The following PPFIA2 variants were observed in gnomAD, a reference collection of about 807,000 sequenced individuals.
PPFIA2 encodes liprin-alpha-2.
In PPFIA2, 46 loss-of-function variants were observed where a neutral mutation model predicts 175.5. That is an observed-to-expected ratio of 0.26 (90% CI 0.21 to 0.34). PPFIA2 has a LOEUF of 0.34. PPFIA2 is among the 10% of genes least tolerant of loss of function. The pLI is 1.00. For missense variants in PPFIA2, 1,179 were observed against 1,506.1 expected, an observed-to-expected ratio of 0.78 and a Z score of 3.60; for synonymous variants, 568 against 511.4, an observed-to-expected ratio of 1.11 and a Z score of -1.49.
At chr12:81,392,505 A>T (rs2040325003) in intron 8 of PPFIA2, among the ~76,000 whole-genome samples, 1 of 151,930 alleles carries the variant, frequency 6.6e-6, no homozygotes, top group Non-Finnish European at 1.5e-5. Flanking sequence ...GGGGGTCGTC[A>T]AAGATGACTA....
chr12:81,328,442 T>C (rs1221625904), intron 21 of PPFIA2, among the ~76,000 whole-genome samples: 1 of 152,236 alleles, frequency 6.6e-6, no homozygotes, highest in Non-Finnish European at 1.5e-5. Flanking sequence ...ATGTAATTCA[T>C]AAATTTTAAG....
chr12:81,597,577 A>G (rs891725674), intron 4 of PPFIA2, among the ~76,000 whole-genome samples: 3 of 152,258 alleles, frequency 2.0e-5, no homozygotes, highest in African/African-American at 7.2e-5. Flanking sequence ...AGTTCATAAA[A>G]TGTGTTTTAA....
intron 3 of PPFIA2, among the ~76,000 whole-genome samples, chr12:81,732,786 G>A (rs1300728461): frequency 6.6e-6 from 1 of 151,444 alleles, no homozygotes; most frequent in Non-Finnish European, 1.5e-5. Flanking sequence ...TTCTCTTAGT[G>A]TAAAAGATGA....
chr12:81,537,406 A>C (rs1173305055), intron 4 of PPFIA2, among the ~76,000 whole-genome samples: 2 of 151,878 alleles, frequency 1.3e-5, no homozygotes, highest in Non-Finnish European at 2.9e-5. Flanking sequence ...GAACAAAAAG[A>C]AAGTATGGCC....
chr12:81,508,132 T>C (rs1487041686), intron 4 of PPFIA2, among the ~76,000 whole-genome samples: 4 of 152,156 alleles, frequency 2.6e-5, no homozygotes, highest in East Asian at 1.9e-4. Context: ...TATAAATATA[T>C]GTATGCTTCT....
intron 9 of PPFIA2, among the ~76,000 whole-genome samples, chr12:81,381,284 G>A (rs188309476): frequency 6.0e-4 from 91 of 152,188 alleles, no homozygotes; most frequent in Non-Finnish European, 7.1e-4. Flanking sequence ...AAAGGAGAAC[G>A]TTTTGCCCAT....
Position 81,734,683 on chromosome 12 carries a change from T to C in PPFIA2, c.249+19290A>G, listed in dbSNP as rs189948080. On this transcript the variant is annotated intron_variant, in intron 3 of 32. Transcript: ENST00000549396. ...GGAAAGTTATTTTTTAACATCTTAA[T>C]TGAAAAATAATTTACATATCACAAA... 5.0e-3 allele frequency among the ~76,000 whole-genome samples: 765 copies of C among 151,938 alleles called. 6 individuals carry two copies. Among genetic ancestry groups the C allele is most frequent in the African/African-American group, 0.017 (686 of 41,488 alleles).
chr12:81,740,611 A>G (rs2082204553), intron 3 of PPFIA2, among the ~76,000 whole-genome samples: 2 of 152,188 alleles, frequency 1.3e-5, no homozygotes, highest in African/African-American at 4.8e-5. Context: ...AGGAAAAGTA[A>G]ATAGTGTGAA....
chr12:81,279,772 T>A (rs2041602819), intron 27 of PPFIA2, among the ~76,000 whole-genome samples: 1 of 152,030 alleles, frequency 6.6e-6, no homozygotes, highest in Admixed American at 6.6e-5. Flanking sequence ...ACCCCAAAAA[T>A]CTAATGCAAA....
At position 81,387,671 on chromosome 12, in the gene PPFIA2, T is replaced by C. The variant is rs144050737; in HGVS notation, c.763-3427A>G. On this transcript the variant is annotated intron_variant, in intron 8 of 32. Transcript: ENST00000549396. ...GTGGTCTAGTTACTTGTAGACTTTATACAGGATTTGAAGATATTTAAAATT... is the reference window on the plus strand; with the variant it reads ...GTGGTCTAGTTACTTGTAGACTTTACACAGGATTTGAAGATATTTAAAATT... Among the ~76,000 whole-genome samples the C allele has an allele frequency of 9.9e-5, 15 of 152,270 alleles. No homozygotes were observed. The East Asian group carries it at 2.9e-3, about 29-fold the overall frequency.
At chr12:81,428,624 A>G (rs2047560262) in intron 7 of PPFIA2, among the ~76,000 whole-genome samples, 1 of 152,030 alleles carries the variant, frequency 6.6e-6, no homozygotes, top group African/African-American at 2.4e-5. Context: ...CAAGAGGTAC[A>G]ATAAGAAATC....
intron 8 of PPFIA2, among the ~76,000 whole-genome samples, chr12:81,395,317 A>G (rs2142413277): frequency 6.6e-6 from 1 of 152,228 alleles, no homozygotes; most frequent in East Asian, 1.9e-4. Context: ...AAAATAATAC[A>G]CAAATGAATG....
At chr12:81,371,928 A>AACACAC (rs376974623) in intron 11 of PPFIA2, among the ~76,000 whole-genome samples, 4 of 137,694 alleles carry the variant, frequency 2.9e-5, no homozygotes, top group Non-Finnish European at 4.8e-5. Context: ...CACACACACA[A>AACACAC]ACACACACAC....
chr12:81,620,676 A>G (rs1466078553), intron 4 of PPFIA2, among the ~76,000 whole-genome samples: 1 of 152,206 alleles, frequency 6.6e-6, no homozygotes, highest in East Asian at 1.9e-4. Flanking sequence ...AAGAAATGCA[A>G]TGGGATGCAT....
intron 8 of PPFIA2, among the ~76,000 whole-genome samples, chr12:81,401,962 T>C (rs1034536418): frequency 1.3e-5 from 2 of 152,204 alleles, no homozygotes; most frequent in Non-Finnish European, 2.9e-5. Flanking sequence ...TATTTTTTCT[T>C]TTAAAAAGGC....
intron 4 of PPFIA2, among the ~76,000 whole-genome samples, chr12:81,541,757 T>C (rs563603186): frequency 1.3e-5 from 2 of 152,276 alleles, no homozygotes; most frequent in Non-Finnish European, 2.9e-5. Flanking sequence ...TTTCTTGAGT[T>C]GTCTTCCTCA....
chr12:81,378,387 C>CA (rs1555333245), intron 9 of PPFIA2, among the ~76,000 whole-genome samples: 2 of 151,808 alleles, frequency 1.3e-5, no homozygotes, highest in Non-Finnish European at 2.9e-5. Flanking sequence ...ATTATGTTGA[C>CA]ATTAAAGTGC....
At chr12:81,396,346 A>G (rs1305194651) in intron 8 of PPFIA2, among the ~76,000 whole-genome samples, 1 of 152,094 alleles carries the variant, frequency 6.6e-6, no homozygotes, top group Non-Finnish European at 1.5e-5. Flanking sequence ...AGTAAAGCAT[A>G]TAAACACATG....
chr12:81,586,607 A>C (rs1278103594), intron 4 of PPFIA2, among the ~76,000 whole-genome samples: 1 of 151,914 alleles, frequency 6.6e-6, no homozygotes, highest in African/African-American at 2.4e-5. Flanking sequence ...AAAATGAATT[A>C]TATAACACAA....
Sources: gnomAD v4.1 joint callset for allele counts (sites outside exome capture counted in the v4.1 genomes callset) on GRCh38, gnomAD v4.1.1 for gene constraint, MANE v1.5 for transcripts, NCBI Gene and HGNC (gene_info 2026-07-23, HGNC 2026-07-21) for gene names.